CNKSR3: variants seen among roughly 807,000 people sequenced by gnomAD.
CNKSR3 encodes the protein connector enhancer of kinase suppressor of ras 3.
CNKSR3 carries 36 observed loss-of-function variants against 67.7 expected under a neutral mutation model. The observed-to-expected ratio is 0.53, with a 90% CI of 0.41 to 0.70. The LOEUF (loss-of-function observed/expected upper bound fraction) is 0.70, where lower values mean the gene tolerates loss of function less well. Ranked by LOEUF, CNKSR3 falls within the 30% of genes least tolerant of loss-of-function variation. The pLI is 0.00. For missense variants in CNKSR3, 630 were observed against 695.2 expected, an observed-to-expected ratio of 0.91 and a Z score of 1.05; for synonymous variants, 281 against 271.4, an observed-to-expected ratio of 1.04 and a Z score of -0.35.
At chr6:154,458,743 C>T (rs1786011917) in intron 1 of CNKSR3, among the ~76,000 whole-genome samples, 1 of 152,140 alleles carries the variant, frequency 6.6e-6, no homozygotes, top group Non-Finnish European at 1.5e-5. Context: ...TCAGGCTTCC[C>T]ATCAGTGGAT....
chr6:154,459,016 A>G (rs1034541882), intron 1 of CNKSR3, among the ~76,000 whole-genome samples: 6 of 152,066 alleles, frequency 3.9e-5, no homozygotes, highest in African/African-American at 1.2e-4. Context: ...CTGCCCAGAA[A>G]CTTAAGTCCT....
chr6:154,473,612 G>A (rs1044489161), intron 1 of CNKSR3, among the ~76,000 whole-genome samples: 6 of 152,136 alleles, frequency 3.9e-5, no homozygotes, highest in Admixed American at 6.5e-5. Context: ...CTACTCTACA[G>A]GGTAACGAGT....
intron 4 of CNKSR3, 81 bp downstream of exon 4, chr6:154,441,211 T>A: frequency 2.0e-6 from 2 of 1,004,862 alleles, no homozygotes; most frequent in African/African-American, 1.8e-5. Context: ...ACTTCATACC[T>A]GCATGAAAAT....
At chr6:154,469,469 T>C (rs1786276027) in intron 1 of CNKSR3, among the ~76,000 whole-genome samples, 1 of 152,162 alleles carries the variant, frequency 6.6e-6, no homozygotes, top group South Asian at 2.1e-4. Flanking sequence ...CAGCCTACAA[T>C]AGGATTTTGG....
chr6:154,422,990 AG>A lies in CNKSR3; in HGVS notation c.730-8del. ...GAGATCTGTCTGCAGGAGACTGTAC[AG>A]AAACAAAATAACCTGCCTTAATTCT... is the stretch of plus-strand genomic sequence containing the variant. On this transcript the variant is annotated splice_polypyrimidine_tract_variant and splice_region_variant and intron_variant, in intron 7 of 12. Transcript: ENST00000607772. The A allele has an allele frequency of 6.3e-7, 1 of 1,587,164 alleles. No individual in the cohort carries two copies.
intron 9 of CNKSR3, among the ~76,000 whole-genome samples, chr6:154,418,416 CTA>C (rs1785066503): frequency 6.6e-6 from 1 of 152,188 alleles, no homozygotes; most frequent in African/African-American, 2.4e-5. Flanking sequence ...GGTGGTCTAT[CTA>C]TGTTTTGTGG....
Position 154,410,366 on chromosome 6 carries a change from C to A in CNKSR3, c.1346G>T (p.Arg449Ile). ...NWMGIVDPFA[R>I]PRGHGRKGED... ...ACCTTTCCTGCCATGACCTCGAGGT[C>A]TGGCAAAAGGGTCCACAATCCCCAT... Residue 449 changes from arginine (R) to isoleucine (I), a missense_variant, in exon 12 of 13, where the codon AGA (arginine) becomes ATA (isoleucine). By Grantham distance (97) the Arg-to-Ile change is moderately conservative. This residue lies in a region of CNKSR3 where 308 missense variants were observed against 299.6 expected (regional missense o/e 1.03). Coordinates refer to ENST00000607772, the MANE Select transcript of CNKSR3 (RefSeq NM_173515.4). 1.9e-6 allele frequency: 3 copies of A among 1,614,032 alleles called. No homozygotes were observed. Among genetic ancestry groups the A allele is most frequent in the Non-Finnish European group, 2.5e-6 (3 of 1,179,956 alleles).
At chr6:154,467,004 G>C (rs1002797654) in intron 1 of CNKSR3, among the ~76,000 whole-genome samples, 1 of 152,002 alleles carries the variant, frequency 6.6e-6, no homozygotes, top group Admixed American at 6.6e-5. Flanking sequence ...AACAGGACAG[G>C]CAGGCAGGAG....
Position 154,406,658 on chromosome 6 carries a change from T to A in CNKSR3, c.1370-6A>T, listed in dbSNP as rs1039182520. The A allele has an allele frequency of 1.9e-6, 3 of 1,607,618 alleles. No homozygotes were observed. Among genetic ancestry groups the A allele is most frequent in the African/African-American group, 2.7e-5 (2 of 74,716 alleles). The stretch of plus-strand genomic sequence containing the variant: ...CCGGCAAAGGGCATCCTCCCCTGTT[T>A]CCAGACAAAGTCCATTAAGTCACAA... On this transcript the variant is annotated splice_region_variant and splice_polypyrimidine_tract_variant and intron_variant, in intron 12 of 12. Coordinates refer to ENST00000607772, the MANE Select transcript of CNKSR3 (RefSeq NM_173515.4).
rs1303527394 is a variant in CNKSR3 at position 154,410,554 on chromosome 6, A to C, written c.1280-122T>G. On this transcript the variant is annotated intron_variant, in intron 11 of 12. Transcript: ENST00000607772. ...ACCCACTTAGACAGAAGCAATAACA[A>C]ATTTTAAAATAAAAGTATTTTAAAG... The C allele has an allele frequency of 7.8e-6, 5 of 641,384 alleles. No homozygotes were observed. In the Admixed American group the frequency reaches 1.4e-4, roughly 19 times the overall value. The allele number at this position is 641,384 out of a possible 1,614,324, so 39.7% of individuals were successfully genotyped here.
Position 154,411,047 on chromosome 6 carries a change from T to C in CNKSR3, c.1166A>G (p.Asp389Gly), listed in dbSNP as rs563154236. The change falls in exon 11 of 13, where the codon GAC (aspartate) becomes GGC (glycine). Residue 389 changes from aspartate to glycine, a missense_variant. Around this residue, in one of 3 missense-constraint regions of CNKSR3, gnomAD observed 308 missense variants for 299.6 expected, o/e 1.03. Coordinates refer to ENST00000607772, the MANE Select transcript of CNKSR3 (RefSeq NM_173515.4). The stretch of plus-strand genomic sequence containing the variant: ...GAATCTTCGTCTCCGGCTTTCCTGG[T>C]CCAAGAAGGAATTCGGGGACTCTGA... ...KGSESPNSFL[D>G]QESRRRRFTI... 487 of 1,614,058 alleles carry C rather than the reference T, an allele frequency of 3.0e-4. 6 individuals carry two copies. The South Asian group carries it at 3.8e-3, about 13-fold the overall frequency.
At chr6:154,452,990 A>G (rs1177491768) in intron 1 of CNKSR3, among the ~76,000 whole-genome samples, 1 of 152,212 alleles carries the variant, frequency 6.6e-6, no homozygotes, top group Non-Finnish European at 1.5e-5. Context: ...AACATAATAC[A>G]AATACAATAA....
intron 2 of CNKSR3, among the ~76,000 whole-genome samples, chr6:154,447,876 A>G (rs1785739535): frequency 6.6e-6 from 1 of 152,244 alleles, no homozygotes; most frequent in South Asian, 2.1e-4. Flanking sequence ...CCAAAGATCT[A>G]TATGCTATAA....
At chr6:154,482,966 C>T (rs945010769) in intron 1 of CNKSR3, among the ~76,000 whole-genome samples, 1 of 152,194 alleles carries the variant, frequency 6.6e-6, no homozygotes, top group Admixed American at 6.5e-5. Context: ...CTGCCTGCCA[C>T]GTTAGAAGCA....
intron 1 of CNKSR3, among the ~76,000 whole-genome samples, chr6:154,472,978 C>T (rs1786364285): frequency 1.3e-5 from 2 of 152,092 alleles, no homozygotes; most frequent in Non-Finnish European, 2.9e-5. Context: ...TATGGAGGGC[C>T]TGCTGGTCAG....
rs1784793133 is a variant in CNKSR3 at position 154,406,525 on chromosome 6, G to A, written c.1497C>T (p.Tyr499=). 6.2e-7 allele frequency: 1 copy of A among 1,614,238 alleles called. No homozygotes were observed. The highest frequency in any genetic ancestry group is 1.1e-5 in the South Asian group (1 of 91,088). The change falls in exon 13 of 13, where the codon TAC becomes TAT. Residue 499 remains tyrosine, a synonymous_variant. Transcript: ENST00000607772. ...TGATGTAGCACCTGCTTCCTCGGATGTAGTCCGCACCCCGGACCAGATGCC... is the reference window on the plus strand; with the variant it reads ...TGATGTAGCACCTGCTTCCTCGGATATAGTCCGCACCCCGGACCAGATGCC... ...TERHLVRGAD[Y]IRGSRCYINS... is the part of the protein sequence containing the mutation.
intron 9 of CNKSR3, among the ~76,000 whole-genome samples, chr6:154,415,225 C>T (rs1424265722): frequency 3.0e-5 from 2 of 66,756 alleles, no homozygotes; most frequent in African/African-American, 8.6e-5. Flanking sequence ...TTACTAGCTG[C>T]CCATTTTTTT....
At chr6:154,481,131 CTTGT>C (rs916943875) in intron 1 of CNKSR3, among the ~76,000 whole-genome samples, 11 of 149,726 alleles carry the variant, frequency 7.3e-5, no homozygotes, top group African/African-American at 2.2e-4. Flanking sequence ...TTTATTTGTG[CTTGT>C]TTGATATTTA....
chr6:154,485,353 G>A (rs1161392890), intron 1 of CNKSR3, among the ~76,000 whole-genome samples: 2 of 152,152 alleles, frequency 1.3e-5, no homozygotes, highest in African/African-American at 2.4e-5. Flanking sequence ...CTTCTTTGGC[G>A]CATACAGAAT....
Sources: gnomAD v4.1 joint callset for allele counts (sites outside exome capture counted in the v4.1 genomes callset) on GRCh38, gnomAD v4.1.1 for gene constraint, gnomAD v4.1.1 regional missense constraint, MANE v1.5 for transcripts, NCBI Gene and HGNC (gene_info 2026-07-23, HGNC 2026-07-21) for gene names.